FGF14: variants seen among roughly 807,000 people sequenced by gnomAD.
FGF14 encodes fibroblast growth factor 14, also known as fibroblast growth factor homologous factor 4.
In FGF14, 5 loss-of-function variants were observed where a neutral mutation model predicts 25.5. That is an observed-to-expected ratio of 0.20 (90% CI 0.10 to 0.41). FGF14 has a LOEUF of 0.41. FGF14 is among the 10% of genes least tolerant of loss of function. The pLI is 1.00. For missense variants in FGF14, 222 were observed against 320.1 expected, an observed-to-expected ratio of 0.69 and a Z score of 2.34; for synonymous variants, 138 against 118.3, an observed-to-expected ratio of 1.17 and a Z score of -1.08.
At chr13:101,805,700 A>C (rs1321466297) in intron 3 of FGF14, among the ~76,000 whole-genome samples, 1 of 152,162 alleles carries the variant, frequency 6.6e-6, no homozygotes, top group African/African-American at 2.4e-5. Context: ...TTGCACAGAC[A>C]ACCAGTGTAC....
intron 1 of FGF14, among the ~76,000 whole-genome samples, chr13:102,203,742 T>C (rs1042998801): frequency 6.6e-6 from 1 of 152,234 alleles, no homozygotes; most frequent in African/African-American, 2.4e-5. Context: ...TATTATGGAA[T>C]AAAGTTACAA....
chr13:102,373,494 AC>A (rs901184321), intron 1 of FGF14: 116 of 152,304 alleles, frequency 7.6e-4, no homozygotes, highest in African/African-American at 2.7e-3. Flanking sequence ...ATACCAAATA[AC>A]TTCATTGCTG....
intron 1 of FGF14, among the ~76,000 whole-genome samples, chr13:102,065,481 G>T (rs909778004): frequency 6.6e-6 from 1 of 152,036 alleles, no homozygotes; most frequent in African/African-American, 2.4e-5. Context: ...TATGAAAATT[G>T]ATTCCAGAAG....
chr13:101,992,055 G>C (rs1004204572), intron 1 of FGF14, among the ~76,000 whole-genome samples: 2 of 152,100 alleles, frequency 1.3e-5, no homozygotes, highest in Non-Finnish European at 2.9e-5. Context: ...TACTTGTAAA[G>C]GCCACAGGCC....
At chr13:102,275,281 T>TCTCTCTCTCTCTCG in intron 1 of FGF14, among the ~76,000 whole-genome samples, 1 of 147,468 alleles carries the variant, frequency 6.8e-6, no homozygotes, top group Non-Finnish European at 1.5e-5. Flanking sequence ...TCTCTCTCTC[T>TCTCTCTCTCTCTCG]CTCTCTGCCA....
At chr13:102,228,027 G>T (rs1329754535) in intron 1 of FGF14, among the ~76,000 whole-genome samples, 1 of 152,116 alleles carries the variant, frequency 6.6e-6, no homozygotes, top group Non-Finnish European at 1.5e-5. Flanking sequence ...TTGAATAACA[G>T]CCAAGTTTTC....
At chr13:101,987,227 A>G (rs904605310) in intron 1 of FGF14, among the ~76,000 whole-genome samples, 5 of 152,048 alleles carry the variant, frequency 3.3e-5, no homozygotes, top group Admixed American at 3.3e-4. Context: ...CCACTCCAGG[A>G]AAAAAAGGTC....
chr13:102,293,567 C>G (rs994980272), intron 1 of FGF14: 5 of 151,750 alleles, frequency 3.3e-5, no homozygotes, highest in African/African-American at 1.2e-4. Flanking sequence ...TTAATGTAAT[C>G]AAAGACTGAA....
chr13:102,351,640 G>A (rs972874363), intron 1 of FGF14, among the ~76,000 whole-genome samples: 3 of 152,194 alleles, frequency 2.0e-5, no homozygotes, highest in Non-Finnish European at 2.9e-5. Flanking sequence ...AGGCTTCACA[G>A]GGACTGGCAG....
intron 3 of FGF14, among the ~76,000 whole-genome samples, chr13:101,814,207 C>G (rs1261016554): frequency 1.3e-5 from 2 of 152,130 alleles, no homozygotes; most frequent in Admixed American, 6.5e-5. Context: ...CCCACAACTA[C>G]TGAATCAGAA....
intron 3 of FGF14, among the ~76,000 whole-genome samples, chr13:101,760,314 C>T (rs1242111361): frequency 6.6e-6 from 1 of 152,160 alleles, no homozygotes; most frequent in East Asian, 1.9e-4. Flanking sequence ...GTCTAGCTTT[C>T]ACCCTCTATT....
chr13:102,135,700 G>C (rs533158840), intron 1 of FGF14, among the ~76,000 whole-genome samples: 18 of 152,278 alleles, frequency 1.2e-4, no homozygotes, highest in Admixed American at 9.2e-4. Flanking sequence ...CTATTGCTCA[G>C]GCTGGAGTGC....
Position 102,122,644 on chromosome 13 carries a change from T to C in FGF14, c.209-247348A>G, listed in dbSNP as rs140602284. Among the ~76,000 whole-genome samples the C allele has an allele frequency of 2.2e-3, 335 of 152,334 alleles. 1 individual carries two copies. The highest frequency in any genetic ancestry group is 7.7e-3 in the African/African-American group (322 of 41,572). Reference sequence around the variant, plus strand: ...CAACTTTTTATAAGCATTTTGATTTTAATAGAACTATTTAGTTACATGCCC... The same window carrying C: ...CAACTTTTTATAAGCATTTTGATTTCAATAGAACTATTTAGTTACATGCCC... On this transcript the variant is annotated intron_variant, in intron 1 of 4. Coordinates refer to the FGF14 transcript ENST00000376131.
chr13:101,974,405 A>G (rs988303349), intron 1 of FGF14, among the ~76,000 whole-genome samples: 1 of 152,236 alleles, frequency 6.6e-6, no homozygotes, highest in African/African-American at 2.4e-5. Flanking sequence ...AGCCTCTCAT[A>G]TTAGTTTGTC....
At chr13:101,964,729 T>C (rs2037077445) in intron 1 of FGF14, among the ~76,000 whole-genome samples, 1 of 151,766 alleles carries the variant, frequency 6.6e-6, no homozygotes, top group Non-Finnish European at 1.5e-5. Flanking sequence ...AATTAAAGAA[T>C]AGTATTTCCC....
At chr13:102,200,811 A>G (rs2049585370) in intron 1 of FGF14, among the ~76,000 whole-genome samples, 1 of 152,118 alleles carries the variant, frequency 6.6e-6, no homozygotes, top group Admixed American at 6.5e-5. Flanking sequence ...GTGGGCAGAT[A>G]TAAACAACAG....
At chr13:102,163,501 T>A (rs555196071) in intron 1 of FGF14, among the ~76,000 whole-genome samples, 65 of 152,242 alleles carry the variant, frequency 4.3e-4, no homozygotes, top group African/African-American at 1.4e-3. Flanking sequence ...TGTAAACCCA[T>A]GAATACGATG....
intron 1 of FGF14, among the ~76,000 whole-genome samples, chr13:102,124,653 T>A (rs2045876752): frequency 6.6e-6 from 1 of 152,076 alleles, no homozygotes; most frequent in Non-Finnish European, 1.5e-5. Context: ...CAGATGGATT[T>A]TTATCTCCTC....
In FGF14 at chr13:101,998,461, G is replaced by A. The variant is rs190142120; in HGVS notation, c.209-123165C>T. On this transcript the variant is annotated intron_variant, in intron 1 of 4. Transcript: ENST00000376131. Reference sequence around the variant, plus strand: ...AGAGAATGGGGTGCTATTAATTACAGTGGGTTAATAGCTATCAAATAGGAC... The same window carrying A: ...AGAGAATGGGGTGCTATTAATTACAATGGGTTAATAGCTATCAAATAGGAC... Among the ~76,000 whole-genome samples the A allele has an allele frequency of 3.3e-4, 51 of 152,316 alleles. No individual in the cohort carries two copies. In the East Asian group the frequency reaches 9.6e-3, roughly 29 times the overall value.
Sources: allele counts gnomAD v4.1 joint callset (sites outside exome capture counted in the v4.1 genomes callset), GRCh38; gene constraint gnomAD v4.1.1; transcripts MANE v1.5; gene names NCBI Gene and HGNC (gene_info 2026-07-23, HGNC 2026-07-21).